RNF169: variants seen among roughly 807,000 people sequenced by gnomAD.
RNF169 encodes the protein ring finger protein 169, also known as E3 ubiquitin-protein ligase RNF169.
A neutral mutation model predicts 53.9 loss-of-function variants in RNF169; 24 were observed. The ratio of observed to expected loss-of-function variants is 0.45; its 90% CI spans 0.32 to 0.63. RNF169 has a LOEUF of 0.63. Among genes scored for constraint, RNF169 ranks in the 20% least tolerant of loss-of-function variants. The pLI, the probability that RNF169 is intolerant of heterozygous loss-of-function variation, is 0.04. For synonymous variants in RNF169, 396 were observed against 363.5 expected, an observed-to-expected ratio of 1.09 and a Z score of -1.02; for missense variants, 883 against 906.2, an observed-to-expected ratio of 0.97 and a Z score of 0.33.
At chr11:74,832,617 C>G (rs1369280424) in intron 4 of RNF169, 1 of 152,162 alleles carries the variant, frequency 6.6e-6, no homozygotes, top group Non-Finnish European at 1.5e-5. Flanking sequence ...TCCCAGGCAA[C>G]TATCGGTGAA....
Position 74,767,281 on chromosome 11 carries a change from A to G in RNF169, c.502+17899A>G, listed in dbSNP as rs112120824. ...GAATCTAATGTAGTTCCCCATATTA[A>G]TAAACTAAAGGAGAGTAAAACTATA... is the stretch of plus-strand genomic sequence containing the variant. On this transcript the variant is annotated intron_variant, in intron 1 of 5. Coordinates refer to ENST00000299563, the MANE Select transcript of RNF169 (RefSeq NM_001098638.2). 4.2e-3 allele frequency among the ~76,000 whole-genome samples: 637 copies of G among 152,350 alleles called. 1 individual carries two copies. Among genetic ancestry groups the G allele is most frequent in the Middle Eastern group, 6.8e-3 (2 of 294 alleles).
At chr11:74,781,555 A>G (rs1047238300) in intron 1 of RNF169, among the ~76,000 whole-genome samples, 5 of 152,210 alleles carry the variant, frequency 3.3e-5, no homozygotes, top group African/African-American at 9.6e-5. Context: ...TTGTATGTAT[A>G]TATTTGTACA....
At chr11:74,811,988 C>T (rs904377484) in intron 3 of RNF169, among the ~76,000 whole-genome samples, 4 of 152,318 alleles carry the variant, frequency 2.6e-5, no homozygotes, top group African/African-American at 9.6e-5. Context: ...ATAAACTAGC[C>T]TTGATAGAGA....
intron 1 of RNF169, among the ~76,000 whole-genome samples, chr11:74,771,302 C>T (rs1042425393): frequency 2.0e-5 from 3 of 152,186 alleles, no homozygotes; most frequent in East Asian, 1.9e-4. Context: ...AATCTGAAAT[C>T]GAAAATGTGC....
chr11:74,773,390 A>G (rs922346155), intron 1 of RNF169, among the ~76,000 whole-genome samples: 1 of 152,152 alleles, frequency 6.6e-6, no homozygotes, highest in Non-Finnish European at 1.5e-5. Context: ...AAAGCCTCTT[A>G]TATGTGTTTA....
chr11:74,794,541 A>C (rs1395953611), intron 2 of RNF169, among the ~76,000 whole-genome samples: 1 of 152,156 alleles, frequency 6.6e-6, no homozygotes, highest in Non-Finnish European at 1.5e-5. Context: ...GAGCCTTGGG[A>C]GATAGTTTAG....
intron 1 of RNF169, among the ~76,000 whole-genome samples, chr11:74,752,009 G>A (rs573406268): frequency 1.6e-4 from 24 of 152,062 alleles, no homozygotes; most frequent in African/African-American, 5.5e-4. Context: ...CGAGGTGGGC[G>A]GATCACAAGG....
chr11:74,790,749 A>G (rs1213336308), intron 2 of RNF169, among the ~76,000 whole-genome samples: 2 of 152,214 alleles, frequency 1.3e-5, no homozygotes, highest in Non-Finnish European at 2.9e-5. Context: ...TGGCTGGACC[A>G]GGACTACTGC....
rs1261221842 is a variant in RNF169, at chr11:74,835,666, T to A, written c.1063T>A (p.Ser355Thr). The A allele has an allele frequency of 1.2e-6, 2 of 1,614,044 alleles. No individual in the cohort carries two copies. Among genetic ancestry groups the A allele is most frequent in the Non-Finnish European group, 1.7e-6 (2 of 1,180,042 alleles). The part of the protein sequence containing the change: ...IEKRLPFSSL[S>T]SLASLHKPER... ...AAAGCGTCTACCCTTCAGCTCCCTT[T>A]CATCCTTGGCTTCCCTGCATAAGCC... is the stretch of plus-strand genomic sequence containing the variant. Residue 355 changes from serine (S) to threonine (T), a missense_variant, in exon 6 of 6, where the codon TCA (serine) becomes ACA (threonine). Coordinates refer to ENST00000299563, the MANE Select transcript of RNF169 (RefSeq NM_001098638.2).
intron 1 of RNF169, among the ~76,000 whole-genome samples, chr11:74,771,581 A>G (rs1312594193): frequency 6.6e-6 from 1 of 152,032 alleles, no homozygotes; most frequent in Non-Finnish European, 1.5e-5. Context: ...GTGCACACCT[A>G]TAGTCCCAGC....
At chr11:74,785,300 G>T (rs2035483602) in intron 1 of RNF169, among the ~76,000 whole-genome samples, 1 of 141,780 alleles carries the variant, frequency 7.1e-6, no homozygotes. Context: ...ATATATATTA[G>T]AGATATATAT....
intron 1 of RNF169, among the ~76,000 whole-genome samples, chr11:74,775,509 T>G (rs895489799): frequency 3.3e-5 from 5 of 152,184 alleles, no homozygotes; most frequent in African/African-American, 9.6e-5. Flanking sequence ...ACTTGTCATA[T>G]TCATCTCTCT....
intron 1 of RNF169, among the ~76,000 whole-genome samples, chr11:74,777,802 A>G (rs1239442975): frequency 6.6e-6 from 1 of 151,618 alleles, no homozygotes; most frequent in East Asian, 1.9e-4. Context: ...CCAATTTTTA[A>G]TTTTTTGTGC....
At chr11:74,770,526 C>G (rs950369117) in intron 1 of RNF169, among the ~76,000 whole-genome samples, 2 of 152,200 alleles carry the variant, frequency 1.3e-5, no homozygotes, top group Admixed American at 6.5e-5. Context: ...TTACTGACAT[C>G]TAAACATATC....
At chr11:74,827,961 T>C (rs972520934) in intron 4 of RNF169, among the ~76,000 whole-genome samples, 1 of 152,178 alleles carries the variant, frequency 6.6e-6, no homozygotes, top group Non-Finnish European at 1.5e-5. Context: ...CTATTCGCCA[T>C]AGTATTGGAA....
Position 74,785,174 on chromosome 11 carries a change from A to T in RNF169, c.503-4452A>T, listed in dbSNP as rs958057361. 9.3e-5 allele frequency among the ~76,000 whole-genome samples: 6 copies of T among 64,782 alleles called. No individual in the cohort carries two copies. The African/African-American group carries it at 1.0e-3, about 11-fold the overall frequency. The allele number at this position is 64,782 out of a possible 152,430, so 42.5% of individuals were successfully genotyped here. On this transcript the variant is annotated intron_variant, in intron 1 of 5. Coordinates refer to ENST00000299563, the MANE Select transcript of RNF169 (RefSeq NM_001098638.2). ...ATGTATTTTTATATATATATATATG[A>T]TATATATATATGATATATATATGAT...
At chr11:74,833,812 A>G (rs1325769926) in intron 4 of RNF169, among the ~76,000 whole-genome samples, 3 of 152,208 alleles carry the variant, frequency 2.0e-5, no homozygotes, top group African/African-American at 4.8e-5. Context: ...GGTGACAGTC[A>G]TCTGCACATA....
At chr11:74,773,163 G>C (rs866972114) in intron 1 of RNF169, among the ~76,000 whole-genome samples, 1 of 152,134 alleles carries the variant, frequency 6.6e-6, no homozygotes, top group African/African-American at 2.4e-5. Flanking sequence ...CATTTGGGGA[G>C]GATTACGATT....
chr11:74,823,171 C>T (rs952151281), intron 4 of RNF169, among the ~76,000 whole-genome samples: 5 of 152,150 alleles, frequency 3.3e-5, no homozygotes, highest in African/African-American at 1.2e-4. Context: ...TTAGTGTCCA[C>T]ATTTATACTG....
Sources: gnomAD v4.1 joint callset for allele counts (sites outside exome capture counted in the v4.1 genomes callset) on GRCh38, gnomAD v4.1.1 for gene constraint, MANE v1.5 for transcripts, NCBI Gene and HGNC (gene_info 2026-07-23, HGNC 2026-07-21) for gene names.